Variants in ITGB6 observed in about 807,000 individuals in gnomAD.
ITGB6 encodes the protein integrin subunit beta 6, also known as integrin beta-6.
A neutral mutation model predicts 84.5 loss-of-function variants in ITGB6; 80 were observed. The observed-to-expected ratio is 0.95, with a 90% confidence interval of 0.79 to 1.14. ITGB6 has a LOEUF of 1.14. Among genes scored for constraint, ITGB6 ranks in the 50% most tolerant of loss-of-function variants. The probability of loss-of-function intolerance (pLI) is 0.00; values close to 1 mark genes in which losing one functional copy is unlikely to be tolerated. For synonymous variants in ITGB6, 383 were observed against 354.9 expected (o/e 1.08, Z -0.89); for missense variants, 1,006 against 968.0 (o/e 1.04, Z -0.52).
intron 12 of ITGB6, among the ~76,000 whole-genome samples, chr2:160,118,888 C>G (rs1219590397): frequency 6.6e-6 from 1 of 152,072 alleles, no homozygotes; most frequent in Non-Finnish European, 1.5e-5. Flanking sequence ...AACAGAGAAC[C>G]AAATCATGAG....
chr2:160,149,106 C>T (rs1054359771), intron 7 of ITGB6, among the ~76,000 whole-genome samples: 1 of 152,246 alleles, frequency 6.6e-6, no homozygotes, highest in African/African-American at 2.4e-5. Context: ...GTTCTCTCAG[C>T]ACTGCGTTTG....
intron 11 of ITGB6, among the ~76,000 whole-genome samples, chr2:160,124,302 C>A (rs1392522475): frequency 6.6e-6 from 1 of 152,144 alleles, no homozygotes; most frequent in Non-Finnish European, 1.5e-5. Flanking sequence ...TATACCTTAA[C>A]CAGAATTCCA....
Position 160,142,025 on chromosome 2 carries a change from T to C in ITGB6, c.1064A>G (p.Lys355Arg). 1 of 1,610,574 alleles carries C rather than the reference T, an allele frequency of 6.2e-7. No individual in the cohort carries two copies. Residue 355 changes from lysine (K) to arginine (R), a missense_variant, in exon 8 of 15, where the codon AAG becomes AGG. Transcript: ENST00000283249. ...IPGATVGLLQ[K>R]DSGNILQLII... ...CAGCTGGAGAATGTTTCCGGAGTCC[T>C]TCTGAAGTAGACCTACTGTAGCTCC...
chr2:160,100,360 A>G lies in ITGB6; in HGVS notation c.*1376T>C, dbSNP rs965621198. On this transcript the variant is annotated 3_prime_UTR_variant, in exon 15 of 15. Transcript: ENST00000283249. Reference sequence around the variant, plus strand: ...TCTATATGCCAGCAGTTTAAATGCTATTTGTTCAGTCTCGAACATTTTCAA... The same window carrying G: ...TCTATATGCCAGCAGTTTAAATGCTGTTTGTTCAGTCTCGAACATTTTCAA... The G allele has an allele frequency of 2.0e-5, 3 of 152,214 alleles. No homozygotes were observed. Among genetic ancestry groups the G allele is most frequent in the African/African-American group, 7.2e-5 (3 of 41,460 alleles). The allele number at this position is 152,214 out of a possible 1,614,324, so 9.4% of individuals were successfully genotyped here. A position where few individuals can be genotyped will look rare whatever the true frequency, so the allele number is the denominator to read the frequency against.
chr2:160,131,686 A>G (rs1241957011), intron 10 of ITGB6, among the ~76,000 whole-genome samples: 2 of 152,188 alleles, frequency 1.3e-5, no homozygotes, highest in East Asian at 1.9e-4. Context: ...CTAAAAACCA[A>G]AATAGCTTTT....
chr2:160,136,343 A>G (rs1376191248), intron 10 of ITGB6, among the ~76,000 whole-genome samples: 1 of 152,194 alleles, frequency 6.6e-6, no homozygotes, highest in Non-Finnish European at 1.5e-5. Context: ...AATCAAAACC[A>G]CAATGAGATA....
intron 9 of ITGB6, 27 bp from the exon 10 acceptor site, chr2:160,137,878 C>T: frequency 6.2e-7 from 1 of 1,601,710 alleles, no homozygotes; most frequent in South Asian, 1.1e-5. Flanking sequence ...TAATTATCTC[C>T]CTCCATCCAC....
chr2:160,124,626 G>T (rs1027599173), intron 11 of ITGB6, among the ~76,000 whole-genome samples: 4 of 152,184 alleles, frequency 2.6e-5, no homozygotes, highest in Non-Finnish European at 4.4e-5. Context: ...TGTGCTTGTT[G>T]TAATTCAAAA....
At chr2:160,145,442 C>T (rs1266559336) in intron 7 of ITGB6, among the ~76,000 whole-genome samples, 1 of 152,218 alleles carries the variant, frequency 6.6e-6, no homozygotes, top group Non-Finnish European at 1.5e-5. Flanking sequence ...CTATTTATCT[C>T]TTCACTCGGC....
At chr2:160,171,035 A>T (rs1685178969) in intron 6 of ITGB6, among the ~76,000 whole-genome samples, 1 of 152,206 alleles carries the variant, frequency 6.6e-6, no homozygotes, top group African/African-American at 2.4e-5. Context: ...GAATATACAC[A>T]TTTGGGGAAT....
chr2:160,156,204 G>A (rs1684615743), intron 7 of ITGB6, among the ~76,000 whole-genome samples: 1 of 152,178 alleles, frequency 6.6e-6, no homozygotes, highest in African/African-American at 2.4e-5. Flanking sequence ...GTTCTGTTGG[G>A]TATTTGACCA....
chr2:160,128,001 T>A (rs910694547), intron 10 of ITGB6, among the ~76,000 whole-genome samples: 6 of 152,264 alleles, frequency 3.9e-5, no homozygotes, highest in Admixed American at 2.0e-4. Context: ...CAGTTAGATG[T>A]CCCATAAGCA....
chr2:160,130,096 G>A (rs1683405663), intron 10 of ITGB6, among the ~76,000 whole-genome samples: 1 of 151,948 alleles, frequency 6.6e-6, no homozygotes, highest in Non-Finnish European at 1.5e-5. Flanking sequence ...TAGGTTATAT[G>A]GTATAGCCTA....
rs189515277 is a variant in ITGB6, at chr2:160,182,071, A to G, written c.594-7932T>C. Among the ~76,000 whole-genome samples, 140 of 152,352 alleles carry G rather than the reference A, an allele frequency of 9.2e-4. 2 individuals are homozygous for G. In the East Asian group the frequency reaches 0.015, roughly 16 times the overall value. The stretch of plus-strand genomic sequence containing the variant: ...AAAAAGACTGAAAATTCCAAAACCC[A>G]GAATGCCTCTTCTCCTCCAAAGGAT... On this transcript the variant is annotated intron_variant, in intron 4 of 14. Coordinates refer to ENST00000283249, the MANE Select transcript of ITGB6 (RefSeq NM_000888.5).
rs758496346 is a variant in ITGB6 at position 160,142,084 on chromosome 2, A to G, written c.1018-13T>C. The G allele has an allele frequency of 5.9e-6, 9 of 1,522,644 alleles. No individual in the cohort carries two copies. The highest frequency in any genetic ancestry group is 2.8e-5 in the African/African-American group (2 of 72,156). The allele number at this position is 1,522,644 out of a possible 1,614,324, so 94.3% of individuals were successfully genotyped here. Reference sequence around the variant, plus strand: ...GTTTTGCGTAATTCTGTAAACAGAAAAAGAGTAAGTCAATCTTTGTTTCCT... The same window carrying G: ...GTTTTGCGTAATTCTGTAAACAGAAGAAGAGTAAGTCAATCTTTGTTTCCT... On this transcript the variant is annotated splice_polypyrimidine_tract_variant and intron_variant, in intron 7 of 14. Coordinates refer to ENST00000283249, the MANE Select transcript of ITGB6 (RefSeq NM_000888.5).
chr2:160,137,855 G>A lies in ITGB6; in HGVS notation c.1243-4C>T, dbSNP rs778559332. On this transcript the variant is annotated splice_polypyrimidine_tract_variant and splice_region_variant and intron_variant, in intron 9 of 14. Coordinates refer to ENST00000283249, the MANE Select transcript of ITGB6 (RefSeq NM_000888.5). ...TCACAGTCACGCTGAAGGAAGCCTGGAAAAGAAAATACTAATTATCTCCCT... is the reference window on the plus strand; with the variant it reads ...TCACAGTCACGCTGAAGGAAGCCTGAAAAAGAAAATACTAATTATCTCCCT... The A allele has an allele frequency of 4.2e-5, 67 of 1,611,814 alleles. 1 individual carries two copies. The Admixed American group carries it at 1.1e-3, about 26-fold the overall frequency.
chr2:160,133,107 T>C (rs1051588384), intron 10 of ITGB6, among the ~76,000 whole-genome samples: 1 of 151,926 alleles, frequency 6.6e-6, no homozygotes, highest in East Asian at 1.9e-4. Flanking sequence ...ATTTAAAAGG[T>C]CAGTCAGTGG....
At chr2:160,111,295 C>CAGTCACAGA (rs1410810437) in intron 13 of ITGB6, among the ~76,000 whole-genome samples, 1 of 152,158 alleles carries the variant, frequency 6.6e-6, no homozygotes, top group Non-Finnish European at 1.5e-5. Context: ...GTCACTGCCA[C>CAGTCACAGA]AGTCACAGAG....
chr2:160,163,031 T>C (rs1363369629), intron 7 of ITGB6, among the ~76,000 whole-genome samples: 1 of 152,144 alleles, frequency 6.6e-6, no homozygotes, highest in South Asian at 2.1e-4. Context: ...ATTGGAACCA[T>C]AGATTGTGAT....
Sources: allele counts gnomAD v4.1 joint callset (sites outside exome capture counted in the v4.1 genomes callset), GRCh38; gene constraint gnomAD v4.1.1; transcripts MANE v1.5; gene names NCBI Gene and HGNC (gene_info 2026-07-23, HGNC 2026-07-21).